The following ROBO2 variants were observed in gnomAD, a reference collection of about 807,000 sequenced individuals.
ROBO2 encodes the protein roundabout guidance receptor 2.
In ROBO2, 53 loss-of-function variants were observed where a neutral mutation model predicts 160.8. The ratio of observed to expected loss-of-function variants is 0.33; its 90% CI spans 0.26 to 0.41. The LOEUF is 0.41. ROBO2 is among the 10% of genes least tolerant of loss of function. ROBO2 has a pLI of 1.00. For synonymous variants in ROBO2, 664 were observed against 611.7 expected (o/e 1.09, Z -1.26); for missense variants, 1,577 against 1,722.4 (o/e 0.92, Z 1.49).
At chr3:75,979,681 G>A (rs1409881996) in intron 2 of ROBO2, among the ~76,000 whole-genome samples, 1 of 151,516 alleles carries the variant, frequency 6.6e-6, no homozygotes, top group African/African-American at 2.4e-5. Flanking sequence ...TCCCTTCAAT[G>A]TCTATATAAA....
intron 2 of ROBO2, among the ~76,000 whole-genome samples, chr3:76,085,537 C>T (rs777334997): frequency 6.6e-6 from 1 of 152,056 alleles, no homozygotes; most frequent in South Asian, 2.1e-4. Context: ...AAGAGCTTAG[C>T]GGTCACCACT....
intron 2 of ROBO2, among the ~76,000 whole-genome samples, chr3:77,342,734 A>C (rs566647425): frequency 6.6e-6 from 1 of 152,202 alleles, no homozygotes; most frequent in South Asian, 2.1e-4. Context: ...CAACACACAC[A>C]TTATATTCTC....
At chr3:76,934,668 G>A (rs961712750) in intron 2 of ROBO2, among the ~76,000 whole-genome samples, 3 of 152,160 alleles carry the variant, frequency 2.0e-5, no homozygotes, top group African/African-American at 7.2e-5. Context: ...TTGAACCCGG[G>A]AGGCGGAGGT....
chr3:76,092,367 C>G (rs1022762314), intron 2 of ROBO2, among the ~76,000 whole-genome samples: 3 of 152,074 alleles, frequency 2.0e-5, no homozygotes, highest in South Asian at 4.1e-4. Context: ...CCAATGCTTC[C>G]TTTATATGTC....
At chr3:77,550,575 AAC>A (rs1055530172) in intron 7 of ROBO2, among the ~76,000 whole-genome samples, 1 of 152,038 alleles carries the variant, frequency 6.6e-6, no homozygotes, top group African/African-American at 2.4e-5. Flanking sequence ...ATTCTTTAAA[AAC>A]ACAGATGATT....
chr3:76,493,360 T>TATATATATATATATA (rs1431991929), intron 2 of ROBO2, among the ~76,000 whole-genome samples: 19 of 138,926 alleles, frequency 1.4e-4, no homozygotes, highest in African/African-American at 5.0e-4. Context: ...TATATATATA[T>TATATATATATATATA]ATATAATTGT....
chr3:76,669,712 T>C (rs2092189901), intron 2 of ROBO2, among the ~76,000 whole-genome samples: 1 of 152,186 alleles, frequency 6.6e-6, no homozygotes, highest in Admixed American at 6.6e-5. Context: ...AAAAGCAATG[T>C]GGTGCAAGTT....
chr3:76,983,739 T>A (rs2060222321), intron 2 of ROBO2, among the ~76,000 whole-genome samples: 1 of 152,212 alleles, frequency 6.6e-6, no homozygotes, highest in South Asian at 2.1e-4. Context: ...TGACTCACTC[T>A]GTCCAGATAA....
At chr3:77,286,722 A>C (rs2060628017) in intron 2 of ROBO2, among the ~76,000 whole-genome samples, 2 of 152,164 alleles carry the variant, frequency 1.3e-5, no homozygotes, top group South Asian at 4.1e-4. Flanking sequence ...TTTCTTCATG[A>C]GGCTTTCCCT....
chr3:76,210,626 G>A (rs142597432), intron 2 of ROBO2, among the ~76,000 whole-genome samples: 6,604 of 152,072 alleles, frequency 0.043, 162 homozygotes, highest in South Asian at 0.056. Context: ...TGTTTTGATT[G>A]AAAAATTCTA....
chr3:77,412,463 C>A (rs2076880390), intron 2 of ROBO2, among the ~76,000 whole-genome samples: 1 of 152,230 alleles, frequency 6.6e-6, no homozygotes, highest in Non-Finnish European at 1.5e-5. Context: ...GCCCCTCTGT[C>A]CTCAAGATCT....
At chr3:77,380,372 G>A (rs1255577028) in intron 2 of ROBO2, among the ~76,000 whole-genome samples, 4 of 152,092 alleles carry the variant, frequency 2.6e-5, no homozygotes, top group East Asian at 1.9e-4. Flanking sequence ...GCCTATTATC[G>A]TTCCTCTCTG....
At chr3:76,181,869 C>T (rs1701523970) in intron 2 of ROBO2, among the ~76,000 whole-genome samples, 1 of 152,074 alleles carries the variant, frequency 6.6e-6, no homozygotes. Flanking sequence ...TCTCTGCATG[C>T]CACATTTTTA....
chr3:77,623,835 G>A (rs1255060808), intron 23 of ROBO2, among the ~76,000 whole-genome samples: 2 of 152,108 alleles, frequency 1.3e-5, no homozygotes, highest in African/African-American at 4.8e-5. Flanking sequence ...GTAACAAATT[G>A]CAATAATGAT....
intron 2 of ROBO2, among the ~76,000 whole-genome samples, chr3:76,235,846 A>G (rs1488739852): frequency 6.6e-6 from 1 of 152,216 alleles, no homozygotes; most frequent in Non-Finnish European, 1.5e-5. Flanking sequence ...GGACAAGATT[A>G]ATAAAAGCTG....
At chr3:76,751,080 A>G (rs566089460) in intron 2 of ROBO2, among the ~76,000 whole-genome samples, 2 of 152,280 alleles carry the variant, frequency 1.3e-5, no homozygotes, top group Middle Eastern at 3.4e-3. Context: ...ACAGCATGGT[A>G]CTGGTACCAA....
intron 2 of ROBO2, among the ~76,000 whole-genome samples, chr3:76,928,069 G>A (rs774442837): frequency 5.3e-5 from 8 of 152,112 alleles, no homozygotes; most frequent in Non-Finnish European, 1.0e-4. Flanking sequence ...AGCAATTAAG[G>A]TTACAAATAA....
At chr3:77,143,174 CTTTTTTTTTTTTTTTTT>C (rs10546673) in intron 2 of ROBO2, among the ~76,000 whole-genome samples, 2 of 59,684 alleles carry the variant, frequency 3.4e-5, no homozygotes, top group African/African-American at 6.4e-5. Flanking sequence ...TAAACAGCAG[CTTTTTTTTTTTTTTTTT>C]TTTTTTTTTT....
chr3:75,963,012 A>G (rs781373437), intron 2 of ROBO2, among the ~76,000 whole-genome samples: 4 of 151,894 alleles, frequency 2.6e-5, no homozygotes, highest in South Asian at 2.1e-4. Flanking sequence ...GAAATTCTCA[A>G]TACAGTTGGT....
Sources: allele counts gnomAD v4.1 joint callset (sites outside exome capture counted in the v4.1 genomes callset), GRCh38; gene constraint gnomAD v4.1.1; transcripts MANE v1.5; gene names NCBI Gene and HGNC (gene_info 2026-07-23, HGNC 2026-07-21).